C19orf44: variants seen among roughly 807,000 people sequenced by gnomAD.
C19orf44 encodes chromosome 19 open reading frame 44.
Under a neutral mutation model 50.7 loss-of-function variants are expected in C19orf44, and 43 were observed. The observed-to-expected ratio is 0.85, with a 90% CI of 0.66 to 1.09. The LOEUF is 1.09. Ranked by LOEUF, C19orf44 falls within the 50% of genes least tolerant of loss-of-function variation. The pLI, the probability that C19orf44 is intolerant of heterozygous loss-of-function variation, is 0.00. For synonymous variants in C19orf44, 298 were observed against 334.7 expected, an observed-to-expected ratio of 0.89 and a Z score of 1.20; for missense variants, 722 against 836.2, an observed-to-expected ratio of 0.86 and a Z score of 1.68.
chr19:16,500,737 T>C, intron 1 of C19orf44, 55 bp from the exon 2 acceptor site: 1 of 1,482,452 alleles, frequency 6.7e-7, no homozygotes, highest in African/African-American at 1.4e-5. Flanking sequence ...AGCCATTGAA[T>C]GCTCAATACA....
Position 16,509,488 on chromosome 19 carries a change from C to A in C19orf44, c.1150-11C>A. ...ACACTTCCCAGCCACCTCTGCCATT[C>A]TTCATTTTAGGAGGAAAGTGCTCAG... On this transcript the variant is annotated splice_polypyrimidine_tract_variant and intron_variant, in intron 4 of 8. Transcript: ENST00000221671. 1 of 1,530,632 alleles carries A rather than the reference C, an allele frequency of 6.5e-7. No individual in the cohort carries two copies. The highest frequency in any genetic ancestry group is 1.3e-5 in the South Asian group (1 of 76,508). The allele number at this position is 1,530,632 out of a possible 1,614,324, so 94.8% of individuals were successfully genotyped here. A position where few individuals can be genotyped will look rare whatever the true frequency, so the allele number is the denominator to read the frequency against.
chr19:16,496,424 G>A lies in C19orf44; in HGVS notation c.-43G>A, dbSNP rs2093409254. On this transcript the variant is annotated 5_prime_UTR_variant, in exon 1 of 9. Coordinates refer to ENST00000221671, the MANE Select transcript of C19orf44 (RefSeq NM_032207.4). Reference sequence around the variant, plus strand: ...CCAGGGCAACCGCTCCTTCAGGCGTGAATGTGGCGGCTGCCTCTGCGAATG... The same window carrying A: ...CCAGGGCAACCGCTCCTTCAGGCGTAAATGTGGCGGCTGCCTCTGCGAATG... 2.4e-6 allele frequency: 1 copy of A among 409,782 alleles called. No homozygotes were observed. The allele number at this position is 409,782 out of a possible 1,614,324, so 25.4% of individuals were successfully genotyped here.
chr19:16,521,009 G>C lies in C19orf44; in HGVS notation c.*956G>C. On this transcript the variant is annotated 3_prime_UTR_variant, in exon 9 of 9. Transcript: ENST00000221671. Reference sequence around the variant, plus strand: ...GAGTTAATCCACAGAACCTTGGAGAGTACATGGCCCTGTGGCTGTGGGCTC... The same window carrying C: ...GAGTTAATCCACAGAACCTTGGAGACTACATGGCCCTGTGGCTGTGGGCTC... 2.9e-6 allele frequency: 3 copies of C among 1,049,018 alleles called. No individual in the cohort carries two copies. The highest frequency in any genetic ancestry group is 4.4e-6 in the Non-Finnish European group (3 of 678,872). 65.0% of individuals were successfully genotyped at this position (1,049,018 alleles called of 1,614,324 possible).
At position 16,516,121 on chromosome 19, in the gene C19orf44, T is replaced by C. The variant is rs577563662; in HGVS notation, c.1903-1109T>C. On this transcript the variant is annotated intron_variant, in intron 7 of 8. Transcript: ENST00000221671. ...CTTTAAACATTTTACATAACAAATT[T>C]TTCAGTGTTTATTTCTAAAAAGTGA... 5.8e-4 allele frequency among the ~76,000 whole-genome samples: 89 copies of C among 152,242 alleles called. No individual in the cohort carries two copies. The South Asian group carries it at 0.014, about 24-fold the overall frequency.
intron 1 of C19orf44, among the ~76,000 whole-genome samples, chr19:16,499,783 GGGTAGC>G (rs2093419771): frequency 6.6e-6 from 1 of 151,836 alleles, no homozygotes; most frequent in Admixed American, 6.6e-5. Flanking sequence ...CTCTTTCCCA[GGGTAGC>G]GGTTCTTCTT....
chr19:16,511,119 C>G (rs1329534110), intron 5 of C19orf44, among the ~76,000 whole-genome samples: 1 of 151,790 alleles, frequency 6.6e-6, no homozygotes, highest in Non-Finnish European at 1.5e-5. Context: ...TTACTGCAAC[C>G]TCCACCTCCT....
At chr19:16,503,720 A>G (rs1317805565) in intron 3 of C19orf44, among the ~76,000 whole-genome samples, 2 of 152,086 alleles carry the variant, frequency 1.3e-5, no homozygotes, top group Admixed American at 6.6e-5. Context: ...GTGTGCCACC[A>G]CACCGGGCTA....
chr19:16,520,307 C>T lies in C19orf44; in HGVS notation c.*254C>T, dbSNP rs748905312. 18 of 1,611,094 alleles carry T rather than the reference C, an allele frequency of 1.1e-5. No homozygotes were observed. The highest frequency in any genetic ancestry group is 6.7e-5 in the East Asian group (3 of 44,842). On this transcript the variant is annotated 3_prime_UTR_variant, in exon 9 of 9. Coordinates refer to ENST00000221671, the MANE Select transcript of C19orf44 (RefSeq NM_032207.4). This position sits in a 1 kb window ranked among gnomAD's most constrained non-coding sequence, Gnocchi z 4.0. The stretch of plus-strand genomic sequence containing the variant: ...CCAAGGGTCAGCAGCAGCCAGGCGT[C>T]GTGGGGAGGCCACAGGAAGAGGCCT...
At chr19:16,500,273 G>A (rs148735078) in intron 1 of C19orf44, among the ~76,000 whole-genome samples, 1 of 151,922 alleles carries the variant, frequency 6.6e-6, no homozygotes, top group Non-Finnish European at 1.5e-5. Flanking sequence ...TTTTCTGGGG[G>A]CTTGTTAAAT....
intron 6 of C19orf44, 78 bp downstream of exon 6, chr19:16,513,187 G>T: frequency 3.6e-6 from 5 of 1,395,898 alleles, no homozygotes; most frequent in Non-Finnish European, 5.0e-6. Context: ...ACCCACTCTG[G>T]AGGTGTGGCA....
At chr19:16,500,765 T>C in intron 1 of C19orf44, 27 bp from the exon 2 acceptor site, 1 of 1,539,120 alleles carries the variant, frequency 6.5e-7, no homozygotes, top group Non-Finnish European at 8.7e-7. Context: ...GGTACTCTTA[T>C]GCAAAATTGC....
intron 5 of C19orf44, among the ~76,000 whole-genome samples, chr19:16,511,246 A>G (rs2093456447): frequency 6.6e-6 from 1 of 152,138 alleles, no homozygotes; most frequent in Non-Finnish European, 1.5e-5. Context: ...CATGCTGGCC[A>G]GGCTGGTCTC....
chr19:16,516,380 G>C (rs748513932), intron 7 of C19orf44, among the ~76,000 whole-genome samples: 2 of 152,120 alleles, frequency 1.3e-5, no homozygotes, highest in Admixed American at 1.3e-4. Context: ...GGGAGGTTGA[G>C]GCTGTAGTGA....
At chr19:16,499,166 T>A (rs959383354) in intron 1 of C19orf44, among the ~76,000 whole-genome samples, 2 of 152,224 alleles carry the variant, frequency 1.3e-5, no homozygotes, top group Non-Finnish European at 1.5e-5. Flanking sequence ...CTCTGACCCC[T>A]GTGGTCAGTC....
intron 7 of C19orf44, 115 bp from the exon 8 acceptor site, chr19:16,517,115 C>CACTG: frequency 1.1e-6 from 1 of 939,880 alleles, no homozygotes; most frequent in East Asian, 2.6e-5. Context: ...ACACTTCTGT[C>CACTG]ACTGACAGGA....
Position 16,496,417 on chromosome 19 carries a change from C to T in C19orf44, c.-50C>T, listed in dbSNP as rs1282485434. 2 of 473,800 alleles carry T rather than the reference C, an allele frequency of 4.2e-6. No individual in the cohort carries two copies. Among genetic ancestry groups the T allele is most frequent in the Admixed American group, 7.0e-5 (2 of 28,528 alleles). 29.3% of individuals were successfully genotyped at this position (473,800 alleles called of 1,614,324 possible). On this transcript the variant is annotated 5_prime_UTR_variant, in exon 1 of 9. Coordinates refer to ENST00000221671, the MANE Select transcript of C19orf44 (RefSeq NM_032207.4). The stretch of plus-strand genomic sequence containing the variant: ...CTGTTGCCCAGGGCAACCGCTCCTT[C>T]AGGCGTGAATGTGGCGGCTGCCTCT...
chr19:16,497,395 G>T (rs1339433821), intron 1 of C19orf44, among the ~76,000 whole-genome samples: 4 of 119,230 alleles, frequency 3.4e-5, no homozygotes, highest in African/African-American at 1.3e-4. Context: ...CTGTTACTTA[G>T]GCTGAAGTGC....
intron 1 of C19orf44, among the ~76,000 whole-genome samples, chr19:16,497,509 C>T (rs2093413237): frequency 6.6e-6 from 1 of 151,850 alleles, no homozygotes; most frequent in African/African-American, 2.4e-5. Context: ...TGACACCACG[C>T]CCCGCTAATT....
intron 5 of C19orf44, among the ~76,000 whole-genome samples, chr19:16,511,194 G>A (rs1324322487): frequency 4.0e-5 from 6 of 151,880 alleles, no homozygotes; most frequent in South Asian, 2.1e-4. Flanking sequence ...GTGCCACCAC[G>A]CCCAGATAAT....
Sources: allele counts gnomAD v4.1 joint callset (sites outside exome capture counted in the v4.1 genomes callset), GRCh38; gene constraint gnomAD v4.1.1; non-coding constraint Gnocchi (gnomAD v3.1); transcripts MANE v1.5; gene names NCBI Gene and HGNC (gene_info 2026-07-23, HGNC 2026-07-21).